Variants in PLA2G4A observed in about 807,000 individuals in gnomAD.
The protein encoded by PLA2G4A is phospholipase A2 group IVA, also known as cytosolic phospholipase A2.
Under a neutral mutation model 81.9 loss-of-function variants are expected in PLA2G4A, and 40 were observed. The ratio of observed to expected loss-of-function variants is 0.49; its 90% CI spans 0.38 to 0.64. PLA2G4A has a LOEUF of 0.64. Ranked by LOEUF, PLA2G4A falls within the 30% of genes least tolerant of loss-of-function variation. The probability of loss-of-function intolerance (pLI) is 0.00; values close to 1 mark genes in which losing one functional copy is unlikely to be tolerated. For synonymous variants in PLA2G4A, 302 were observed against 296.9 expected (o/e 1.02, Z -0.18); for missense variants, 715 against 905.1 (o/e 0.79, Z 2.69).
chr1:186,969,096 T>G (rs1657246168), intron 15 of PLA2G4A, among the ~76,000 whole-genome samples: 1 of 151,872 alleles, frequency 6.6e-6, no homozygotes, highest in South Asian at 2.1e-4. Flanking sequence ...GTTTGTCTTA[T>G]TCTTGCAAAT....
intron 7 of PLA2G4A, among the ~76,000 whole-genome samples, chr1:186,918,887 G>T (rs970899732): frequency 6.6e-6 from 1 of 152,218 alleles, no homozygotes; most frequent in Admixed American, 6.5e-5. Context: ...TTCAGGTTTT[G>T]CCCAAGGGTT....
intron 3 of PLA2G4A, among the ~76,000 whole-genome samples, chr1:186,881,891 A>G (rs1292089625): frequency 3.3e-5 from 5 of 152,020 alleles, no homozygotes; most frequent in Non-Finnish European, 7.4e-5. Flanking sequence ...TCATGTTCCT[A>G]TATCTCAGAC....
At chr1:186,848,203 T>C (rs537685222) in intron 1 of PLA2G4A, among the ~76,000 whole-genome samples, 1 of 152,050 alleles carries the variant, frequency 6.6e-6, no homozygotes, top group African/African-American at 2.4e-5. Context: ...CTCAGAAGAA[T>C]CCACAAAAAG....
intron 5 of PLA2G4A, among the ~76,000 whole-genome samples, chr1:186,900,081 T>A (rs546615459): frequency 5.9e-5 from 9 of 152,300 alleles, no homozygotes; most frequent in African/African-American, 2.2e-4. Context: ...AAACTGTATT[T>A]GTTGGAGTCA....
chr1:186,884,884 C>T (rs1451619361), intron 3 of PLA2G4A, among the ~76,000 whole-genome samples: 1 of 81,974 alleles, frequency 1.2e-5, no homozygotes, highest in Non-Finnish European at 2.3e-5. Flanking sequence ...AGAGTAAGAT[C>T]CTGTCTTCAA....
At chr1:186,862,483 A>T (rs985064716) in intron 2 of PLA2G4A, among the ~76,000 whole-genome samples, 1 of 152,166 alleles carries the variant, frequency 6.6e-6, no homozygotes, top group African/African-American at 2.4e-5. Flanking sequence ...AAGTGCTGGG[A>T]TTACAGGCCT....
intron 7 of PLA2G4A, among the ~76,000 whole-genome samples, chr1:186,924,726 A>C (rs982159996): frequency 4.1e-4 from 62 of 152,020 alleles, no homozygotes; most frequent in African/African-American, 1.4e-3. Flanking sequence ...GGTGCATGCC[A>C]CCATGCCCCA....
At chr1:186,888,436 G>A (rs774941678) in intron 3 of PLA2G4A, among the ~76,000 whole-genome samples, 3 of 151,848 alleles carry the variant, frequency 2.0e-5, no homozygotes, top group Non-Finnish European at 2.9e-5. Flanking sequence ...TTCTTGTTTG[G>A]GCCAAGTAGA....
intron 13 of PLA2G4A, among the ~76,000 whole-genome samples, chr1:186,955,044 G>A (rs1272032055): frequency 1.3e-5 from 2 of 152,124 alleles, no homozygotes; most frequent in African/African-American, 4.8e-5. Context: ...AGAAAATAGT[G>A]GAGAGAGGGT....
In PLA2G4A at chr1:186,956,107, G is replaced by A. The variant is rs1489842627; in HGVS notation, c.1342G>A (p.Glu448Lys). Residue 448 changes from glutamate (E) to lysine (K), a missense_variant, in exon 14 of 18, where the codon GAA becomes AAA. Coordinates refer to ENST00000367466, the MANE Select transcript of PLA2G4A (RefSeq NM_024420.3). ...GACCTTTTATTTTTCCCTAGGCACT[G>A]AAAATGAAGATGCTGGAAGTGACTA... ...DDESHEPKGT[E>K]NEDAGSDYQS... 1.2e-6 allele frequency: 2 copies of A among 1,612,992 alleles called. No individual in the cohort carries two copies. The highest frequency in any genetic ancestry group is 4.5e-5 in the East Asian group (2 of 44,876).
At chr1:186,922,633 C>T (rs993466671) in intron 7 of PLA2G4A, among the ~76,000 whole-genome samples, 16 of 152,194 alleles carry the variant, frequency 1.1e-4, no homozygotes, top group Non-Finnish European at 1.8e-4. Flanking sequence ...CTGCCTCGAC[C>T]GTCTGTTAAT....
intron 5 of PLA2G4A, among the ~76,000 whole-genome samples, chr1:186,897,933 T>C (rs1388124635): frequency 6.6e-6 from 1 of 152,208 alleles, no homozygotes; most frequent in Non-Finnish European, 1.5e-5. Context: ...TGGTATCCAA[T>C]AGGTAGTTTT....
At chr1:186,950,390 T>G (rs973286426) in intron 12 of PLA2G4A, among the ~76,000 whole-genome samples, 1 of 152,136 alleles carries the variant, frequency 6.6e-6, no homozygotes, top group Admixed American at 6.6e-5. Context: ...TTGTCAGAAT[T>G]ATGATAAACA....
intron 1 of PLA2G4A, among the ~76,000 whole-genome samples, chr1:186,839,672 G>A (rs1651907788): frequency 6.6e-6 from 1 of 152,048 alleles, no homozygotes; most frequent in Non-Finnish European, 1.5e-5. Context: ...ATTTCAACCT[G>A]AGTTTATTGT....
intron 1 of PLA2G4A, among the ~76,000 whole-genome samples, chr1:186,848,934 G>A (rs1652281693): frequency 6.6e-6 from 1 of 152,036 alleles, no homozygotes; most frequent in East Asian, 1.9e-4. Context: ...TGAAGTTGCT[G>A]GAAATGAGAA....
At chr1:186,877,338 C>T (rs1240937675) in intron 3 of PLA2G4A, among the ~76,000 whole-genome samples, 1 of 151,938 alleles carries the variant, frequency 6.6e-6, no homozygotes, top group Non-Finnish European at 1.5e-5. Context: ...ATAAATGTGA[C>T]CCATTATTAT....
intron 17 of PLA2G4A, among the ~76,000 whole-genome samples, chr1:186,981,441 G>A (rs963603006): frequency 1.2e-4 from 19 of 152,228 alleles, no homozygotes; most frequent in Admixed American, 7.2e-4. Flanking sequence ...GTTAGTGCCT[G>A]AACAAAAATA....
intron 10 of PLA2G4A, among the ~76,000 whole-genome samples, chr1:186,945,193 G>A (rs1320227385): frequency 1.3e-5 from 2 of 152,130 alleles, no homozygotes; most frequent in East Asian, 1.9e-4. Context: ...AATAGCAAGT[G>A]TAAGGTGCTG....
intron 2 of PLA2G4A, among the ~76,000 whole-genome samples, chr1:186,857,143 TTATATA>T (rs1558367862): frequency 6.3e-4 from 25 of 39,872 alleles, no homozygotes; most frequent in African/African-American, 3.4e-3. Context: ...TATTATATAA[TTATATA>T]ATTACATAAT....
Sources: gnomAD v4.1 joint callset for allele counts (sites outside exome capture counted in the v4.1 genomes callset) on GRCh38, gnomAD v4.1.1 for gene constraint, MANE v1.5 for transcripts, NCBI Gene and HGNC (gene_info 2026-07-23, HGNC 2026-07-21) for gene names.